The following NDUFA10 variants were observed in gnomAD, a reference collection of about 807,000 sequenced individuals.
NDUFA10 encodes the protein NADH:ubiquinone oxidoreductase subunit A10.
NDUFA10 carries 40 observed loss-of-function variants against 47.8 expected under a neutral mutation model. That is an observed-to-expected ratio of 0.84 (90% CI 0.65 to 1.09). The LOEUF (loss-of-function observed/expected upper bound fraction) is 1.09. Among genes scored for constraint, NDUFA10 ranks in the 50% least tolerant of loss-of-function variants. The pLI, the probability that NDUFA10 is intolerant of heterozygous loss-of-function variation, is 0.00. For missense variants in NDUFA10, 413 were observed against 451.1 expected, an observed-to-expected ratio of 0.92 and a Z score of 0.76; for synonymous variants, 183 against 172.2, an observed-to-expected ratio of 1.06 and a Z score of -0.49.
At chr2:240,020,137 G>A (rs544005290) in intron 3 of NDUFA10, among the ~76,000 whole-genome samples, 17 of 152,212 alleles carry the variant, frequency 1.1e-4, no homozygotes, top group Non-Finnish European at 1.9e-4. Context: ...CATAGGCAGC[G>A]GCTCCTAGCT....
At position 239,936,006 on chromosome 2, in the gene NDUFA10, C is replaced by A. The variant is rs74002027; in HGVS notation, c.295-40692G>T. Reference sequence around the variant, plus strand: ...AATACCTGGAAGGTGCTTCTCAATACAGACCTTGTTATTACTCCCGGCTCC... The same window carrying A: ...AATACCTGGAAGGTGCTTCTCAATAAAGACCTTGTTATTACTCCCGGCTCC... On this transcript the variant is annotated intron_variant, in intron 4 of 5. Transcript: ENST00000419408. 7.9e-3 allele frequency among the ~76,000 whole-genome samples: 1,198 copies of A among 152,328 alleles called. 17 individuals are homozygous for A. Among genetic ancestry groups the A allele is most frequent in the African/African-American group, 0.028 (1,152 of 41,568 alleles).
chr2:240,002,005 T>C (rs1275140623), intron 8 of NDUFA10, among the ~76,000 whole-genome samples: 1 of 152,178 alleles, frequency 6.6e-6, no homozygotes, highest in African/African-American at 2.4e-5. Flanking sequence ...CAGTGCTTTG[T>C]GCTTTACTTC....
intron 8 of NDUFA10, among the ~76,000 whole-genome samples, chr2:239,996,717 T>C (rs1056347045): frequency 1.3e-5 from 2 of 152,148 alleles, no homozygotes; most frequent in African/African-American, 4.8e-5. Flanking sequence ...ATGAAGCTTG[T>C]CCAACCCATG....
At chr2:239,949,174 G>C (rs760497640) in intron 4 of NDUFA10, among the ~76,000 whole-genome samples, 1 of 152,232 alleles carries the variant, frequency 6.6e-6, no homozygotes, top group African/African-American at 2.4e-5. Flanking sequence ...CTGATTGAGC[G>C]ACTTCTTCCA....
chr2:239,941,818 T>C (rs1694365719), intron 4 of NDUFA10, among the ~76,000 whole-genome samples: 1 of 152,058 alleles, frequency 6.6e-6, no homozygotes, highest in African/African-American at 2.4e-5. Context: ...GTGAACAACA[T>C]CCTGATATTT....
At chr2:239,904,579 G>A (rs1693612916) in intron 4 of NDUFA10, among the ~76,000 whole-genome samples, 1 of 152,220 alleles carries the variant, frequency 6.6e-6, no homozygotes, top group South Asian at 2.1e-4. Flanking sequence ...ACAGCTGTCA[G>A]CCACCATGCC....
intron 4 of NDUFA10, among the ~76,000 whole-genome samples, chr2:240,015,833 G>C (rs1697324206): frequency 6.6e-6 from 1 of 152,300 alleles, no homozygotes; most frequent in South Asian, 2.1e-4. Context: ...GGCCATGCTA[G>C]GGTCCACAGA....
At chr2:239,936,427 G>A (rs1694267107) in intron 4 of NDUFA10, among the ~76,000 whole-genome samples, 1 of 152,232 alleles carries the variant, frequency 6.6e-6, no homozygotes, top group Non-Finnish European at 1.5e-5. Flanking sequence ...GCGTGACACT[G>A]AAACGGTGGA....
At position 239,931,640 on chromosome 2, in the gene NDUFA10, A is replaced by C. The variant is rs1303827011; in HGVS notation, c.295-36326T>G. 1.3e-5 allele frequency among the ~76,000 whole-genome samples: 2 copies of C among 152,184 alleles called. 1 individual carries two copies. Among genetic ancestry groups the C allele is most frequent in the African/African-American group, 4.8e-5 (2 of 41,460 alleles). ...CTTGGCACACAGCAGGTGCCCAGTC[A>C]GTGTTTACTCAGTGAATGAATACAA... On this transcript the variant is annotated intron_variant, in intron 4 of 5. Transcript: ENST00000419408.
intron 8 of NDUFA10, among the ~76,000 whole-genome samples, chr2:240,000,277 G>A (rs1010786218): frequency 1.3e-5 from 2 of 151,892 alleles, no homozygotes; most frequent in African/African-American, 2.4e-5. Flanking sequence ...ACAGCTCCAC[G>A]CGTGTTACTG....
chr2:239,966,227 C>T (rs578250746), intron 9 of NDUFA10, among the ~76,000 whole-genome samples: 4 of 152,276 alleles, frequency 2.6e-5, no homozygotes, highest in African/African-American at 9.6e-5. Flanking sequence ...TGGGCTGACT[C>T]AGTGTACAAA....
downstream of NDUFA10, among the ~76,000 whole-genome samples, chr2:239,956,037 G>C (rs912709098): frequency 4.6e-5 from 7 of 152,182 alleles, no homozygotes; most frequent in African/African-American, 1.7e-4. Flanking sequence ...AACAGCAAAA[G>C]GAGCCAGGTT....
At chr2:239,950,365 C>G (rs1694531054) in intron 4 of NDUFA10, among the ~76,000 whole-genome samples, 1 of 152,218 alleles carries the variant, frequency 6.6e-6, no homozygotes, top group Non-Finnish European at 1.5e-5. Flanking sequence ...GCAGGAGGCT[C>G]AGGGCTCCCG....
rs568502870 is a variant in NDUFA10 at position 239,945,417 on chromosome 2, C to G, written c.294+44657G>C. Among the ~76,000 whole-genome samples, 3 of 152,320 alleles carry G rather than the reference C, an allele frequency of 2.0e-5. No individual in the cohort carries two copies. Among genetic ancestry groups the G allele is most frequent in the South Asian group, 4.1e-4 (2 of 4,828 alleles). On this transcript the variant is annotated intron_variant, in intron 4 of 5. Coordinates refer to the NDUFA10 transcript ENST00000419408. The surrounding 1 kb of genome is among the most constrained non-coding windows in gnomAD (Gnocchi z 4.6). ...GACCAAGCTCCTCACCTCTGAGCGT[C>G]GCTCCAGCTCCTTTCAAAGACGCTG...
chr2:240,007,373 G>A lies in NDUFA10; in HGVS notation c.750-3C>T. ...ATTGTAAAACCTCACATTTTTCACT[G>A]TAAGAAAAAACAAGATGAAATTCAG... On this transcript the variant is annotated splice_region_variant and splice_polypyrimidine_tract_variant and intron_variant, in intron 6 of 9. Transcript: ENST00000252711. 6.3e-7 allele frequency: 1 copy of A among 1,576,676 alleles called. No homozygotes were observed. The highest frequency in any genetic ancestry group is 8.7e-7 in the Non-Finnish European group (1 of 1,146,016).
At chr2:239,938,706 G>A (rs552574283) in intron 4 of NDUFA10, among the ~76,000 whole-genome samples, 9 of 152,314 alleles carry the variant, frequency 5.9e-5, no homozygotes, top group South Asian at 4.1e-4. Flanking sequence ...GCCGGCAGAG[G>A]GGACCTGTGG....
At chr2:239,961,677 G>A (rs1011271015) in intron 9 of NDUFA10, among the ~76,000 whole-genome samples, 2 of 152,376 alleles carry the variant, frequency 1.3e-5, no homozygotes, top group South Asian at 2.1e-4. Context: ...GGCCCTTGGC[G>A]GAGTAGGAAA....
At chr2:239,997,706 A>G (rs1000104643) in intron 8 of NDUFA10, among the ~76,000 whole-genome samples, 1 of 152,270 alleles carries the variant, frequency 6.6e-6, no homozygotes, top group Admixed American at 6.5e-5. Flanking sequence ...AAGAAACAGT[A>G]AATTATGCAG....
At position 239,958,318 on chromosome 2, in the gene NDUFA10, G is replaced by C. The variant is rs781625918; in HGVS notation, c.*2800C>G. 8 of 152,232 alleles carry C rather than the reference G, an allele frequency of 5.3e-5. No individual in the cohort carries two copies. Among genetic ancestry groups the C allele is most frequent in the Non-Finnish European group, 1.0e-4 (7 of 68,042 alleles). The allele number at this position is 152,232 out of a possible 1,614,324, so 9.4% of individuals were successfully genotyped here. On this transcript the variant is annotated 3_prime_UTR_variant, in exon 10 of 10. Coordinates refer to ENST00000252711, the MANE Select transcript of NDUFA10 (RefSeq NM_004544.4). Reference sequence around the variant, plus strand: ...TTTGCATTGACATTTGCACTGCTAAGAACAGCCAATCCAGAAAGCTATAAT... The same window carrying C: ...TTTGCATTGACATTTGCACTGCTAACAACAGCCAATCCAGAAAGCTATAAT...
Sources: gnomAD v4.1 joint callset for allele counts (sites outside exome capture counted in the v4.1 genomes callset) on GRCh38, gnomAD v4.1.1 for gene constraint, Gnocchi (gnomAD v3.1) non-coding constraint, MANE v1.5 for transcripts, NCBI Gene and HGNC (gene_info 2026-07-23, HGNC 2026-07-21) for gene names.